Variants in HS6ST3 observed in about 807,000 individuals in gnomAD.
HS6ST3 encodes the protein heparan sulfate 6-O-sulfotransferase 3.
In HS6ST3, 12 loss-of-function variants were observed where a neutral mutation model predicts 36.7. The observed-to-expected ratio is 0.33, with a 90% CI of 0.21 to 0.53. The LOEUF (loss-of-function observed/expected upper bound fraction) is 0.53. Among genes scored for constraint, HS6ST3 ranks in the 20% least tolerant of loss-of-function variants. The probability of loss-of-function intolerance (pLI) is 0.95; values close to 1 mark genes in which losing one functional copy is unlikely to be tolerated. For missense variants in HS6ST3, 584 were observed against 640.9 expected (o/e 0.91, Z 0.96); for synonymous variants, 240 against 257.5 (o/e 0.93, Z 0.65).
At chr13:96,639,836 C>T (rs961642742) in intron 1 of HS6ST3, among the ~76,000 whole-genome samples, 1 of 151,952 alleles carries the variant, frequency 6.6e-6, no homozygotes, top group Non-Finnish European at 1.5e-5. Flanking sequence ...TGTGAATTTG[C>T]ATAGGATAAC....
At chr13:96,678,757 A>G (rs570080947) in intron 1 of HS6ST3, among the ~76,000 whole-genome samples, 1 of 152,224 alleles carries the variant, frequency 6.6e-6, no homozygotes, top group South Asian at 2.1e-4. Context: ...TGAAGAATTG[A>G]CAATAATATA....
Position 96,668,171 on chromosome 13 carries a change from TAC to T in HS6ST3, c.708-164302_708-164301del, listed in dbSNP as rs575336142. Among the ~76,000 whole-genome samples, 77 of 148,746 alleles carry T rather than the reference TAC, an allele frequency of 5.2e-4. No homozygotes were observed. In the East Asian group the frequency reaches 8.1e-3, roughly 16 times the overall value. ...GGTCTCTCTCTCTCTCACACACGCATACACACACACACACACACGCACACACA... is the reference window on the plus strand; with the variant it reads ...GGTCTCTCTCTCTCTCACACACGCATACACACACACACACACGCACACACA... On this transcript the variant is annotated intron_variant, in intron 1 of 1. Coordinates refer to ENST00000376705, the MANE Select transcript of HS6ST3 (RefSeq NM_153456.4).
chr13:96,638,865 TA>T (rs59880862), intron 1 of HS6ST3, among the ~76,000 whole-genome samples: 1,886 of 149,236 alleles, frequency 0.013, 34 homozygotes, highest in African/African-American at 0.043. Context: ...TGTGGAGAAT[TA>T]AAAAAAAAAT....
chr13:96,485,585 G>A lies in HS6ST3; in HGVS notation c.708-346905G>A, dbSNP rs962387554. Among the ~76,000 whole-genome samples the A allele has an allele frequency of 3.9e-5, 6 of 152,016 alleles. No homozygotes were observed. The South Asian group carries it at 1.2e-3, about 31-fold the overall frequency. ...ATATTTTATTTATTTTCATACTACT[G>A]TATTAGCTAGTACTTCCAGTATAAA... On this transcript the variant is annotated intron_variant, in intron 1 of 1. Transcript: ENST00000376705.
chr13:96,505,458 T>G (rs887127861), intron 1 of HS6ST3, among the ~76,000 whole-genome samples: 7 of 152,164 alleles, frequency 4.6e-5, no homozygotes, highest in African/African-American at 1.2e-4. Context: ...GAGTGTTGCC[T>G]AGTTTGTGCC....
chr13:96,807,253 C>T (rs1279995364), intron 1 of HS6ST3, among the ~76,000 whole-genome samples: 1 of 152,186 alleles, frequency 6.6e-6, no homozygotes, highest in Non-Finnish European at 1.5e-5. Flanking sequence ...TCCTGAATGC[C>T]TAATTGAGTC....
chr13:96,159,173 G>A (rs1462800429), intron 1 of HS6ST3, among the ~76,000 whole-genome samples: 1 of 152,032 alleles, frequency 6.6e-6, no homozygotes, highest in Non-Finnish European at 1.5e-5. Context: ...AGGAATGGGA[G>A]GGCAAGTTCC....
chr13:96,468,116 A>G (rs965816468), intron 1 of HS6ST3, among the ~76,000 whole-genome samples: 1 of 152,146 alleles, frequency 6.6e-6, no homozygotes, highest in Non-Finnish European at 1.5e-5. Flanking sequence ...TTCTTTAACC[A>G]TACCTTATTG....
At chr13:96,626,159 A>G (rs1364418521) in intron 1 of HS6ST3, among the ~76,000 whole-genome samples, 1 of 151,984 alleles carries the variant, frequency 6.6e-6, no homozygotes, top group Non-Finnish European at 1.5e-5. Flanking sequence ...AGAAATTCTT[A>G]ATTTTAGCAT....
chr13:96,482,127 T>TG (rs1348537676), intron 1 of HS6ST3, among the ~76,000 whole-genome samples: 16 of 152,238 alleles, frequency 1.1e-4, no homozygotes, highest in African/African-American at 3.6e-4. Flanking sequence ...TTATTCACAG[T>TG]GTCTCACACA....
At chr13:96,495,013 T>G (rs2055967713) in intron 1 of HS6ST3, among the ~76,000 whole-genome samples, 1 of 152,186 alleles carries the variant, frequency 6.6e-6, no homozygotes, top group African/African-American at 2.4e-5. Flanking sequence ...GTTTTTCACC[T>G]TGTTTCTTTC....
At chr13:96,719,143 G>A (rs1249166637) in intron 1 of HS6ST3, among the ~76,000 whole-genome samples, 4 of 152,062 alleles carry the variant, frequency 2.6e-5, no homozygotes, top group East Asian at 3.9e-4. Flanking sequence ...GTATGGTGGC[G>A]GGCGCCTGTA....
At chr13:96,619,781 T>A (rs765289502) in intron 1 of HS6ST3, among the ~76,000 whole-genome samples, 1 of 152,204 alleles carries the variant, frequency 6.6e-6, no homozygotes, top group Admixed American at 6.5e-5. Flanking sequence ...TATTTTTTAT[T>A]TTAATATCCC....
At chr13:96,540,542 C>A (rs2138941704) in intron 1 of HS6ST3, among the ~76,000 whole-genome samples, 1 of 152,144 alleles carries the variant, frequency 6.6e-6, no homozygotes, top group South Asian at 2.1e-4. Context: ...TAGGCCACTC[C>A]CTCCTTAGGC....
At chr13:96,168,679 G>A (rs967615820) in intron 1 of HS6ST3, among the ~76,000 whole-genome samples, 1 of 123,978 alleles carries the variant, frequency 8.1e-6, no homozygotes, top group African/African-American at 3.2e-5. Context: ...CCAGCCTGGT[G>A]ACAGAGTGAG....
chr13:96,822,382 G>A (rs1017490972), intron 1 of HS6ST3, among the ~76,000 whole-genome samples: 2 of 152,162 alleles, frequency 1.3e-5, no homozygotes, highest in African/African-American at 4.8e-5. Context: ...TGGCACATTT[G>A]AAACTGTACT....
chr13:96,655,750 A>G lies in HS6ST3; in HGVS notation c.708-176740A>G, dbSNP rs181557146. On this transcript the variant is annotated intron_variant, in intron 1 of 1. Transcript: ENST00000376705. ...TCCCTTCCATACTAACCAGATACAT[A>G]TTTTGTTCCTGGGAATTGGGTGATG... 6.2e-3 allele frequency among the ~76,000 whole-genome samples: 941 copies of G among 152,180 alleles called. 12 individuals carry two copies. Among genetic ancestry groups the G allele is most frequent in the Middle Eastern group, 0.041 (12 of 294 alleles).
At chr13:96,720,550 T>C (rs1875817909) in intron 1 of HS6ST3, among the ~76,000 whole-genome samples, 1 of 152,202 alleles carries the variant, frequency 6.6e-6, no homozygotes, top group African/African-American at 2.4e-5. Context: ...CTATTTTCTC[T>C]CTAGCTTATT....
At chr13:96,715,854 T>C (rs1436085423) in intron 1 of HS6ST3, among the ~76,000 whole-genome samples, 1 of 152,146 alleles carries the variant, frequency 6.6e-6, no homozygotes, top group African/African-American at 2.4e-5. Context: ...TCTAATTCCA[T>C]GAATTATAGA....
Sources: gnomAD v4.1 joint callset for allele counts (sites outside exome capture counted in the v4.1 genomes callset) on GRCh38, gnomAD v4.1.1 for gene constraint, MANE v1.5 for transcripts, NCBI Gene and HGNC (gene_info 2026-07-23, HGNC 2026-07-21) for gene names.